Variants in WDR49 observed in about 807,000 individuals in gnomAD.
WDR49 encodes cilia- and flagella-associated protein 337.
Under a neutral mutation model 119.5 loss-of-function variants are expected in WDR49, and 107 were observed. The observed-to-expected ratio is 0.90, with a 90% CI of 0.77 to 1.05. The LOEUF is 1.05. Ranked by LOEUF, WDR49 falls within the 50% of genes least tolerant of loss-of-function variation. The pLI, the probability that WDR49 is intolerant of heterozygous loss-of-function variation, is 0.00. For missense variants in WDR49, 1,240 were observed against 1,220.5 expected, an observed-to-expected ratio of 1.02 and a Z score of -0.24; for synonymous variants, 425 against 418.8, an observed-to-expected ratio of 1.01 and a Z score of -0.18.
chr3:167,592,912 C>T (rs1433979916), intron 7 of WDR49, among the ~76,000 whole-genome samples: 1 of 152,140 alleles, frequency 6.6e-6, no homozygotes, highest in Admixed American at 6.6e-5. Flanking sequence ...TCCTTCAGAA[C>T]TTTAAATATG....
At chr3:167,486,664 A>C (rs149553432) in intron 18 of WDR49, among the ~76,000 whole-genome samples, 5 of 152,142 alleles carry the variant, frequency 3.3e-5, no homozygotes, top group African/African-American at 1.2e-4. Context: ...TATGCATATA[A>C]TCCAACAAGA....
At chr3:167,554,894 G>T in intron 9 of WDR49, 96 bp from the exon 10 acceptor site, 1 of 878,886 alleles carries the variant, frequency 1.1e-6, no homozygotes, top group Non-Finnish European at 1.7e-6. Flanking sequence ...AATCATTAAA[G>T]AAAATCAACT....
intron 18 of WDR49, among the ~76,000 whole-genome samples, chr3:167,483,645 G>A: frequency 6.6e-6 from 1 of 152,046 alleles, no homozygotes; most frequent in East Asian, 1.9e-4. Context: ...GGCTATTTAA[G>A]ATAAAATAAA....
At chr3:167,562,133 A>G (rs1713301921) in intron 8 of WDR49, among the ~76,000 whole-genome samples, 1 of 152,156 alleles carries the variant, frequency 6.6e-6, no homozygotes, top group Non-Finnish European at 1.5e-5. Flanking sequence ...ATCAATTATC[A>G]TTGGGGGCCA....
intron 3 of WDR49, among the ~76,000 whole-genome samples, chr3:167,625,430 G>A (rs985248242): frequency 3.3e-5 from 5 of 152,036 alleles, no homozygotes; most frequent in African/African-American, 7.2e-5. Context: ...TTTATCTTTA[G>A]AGAATATTAG....
Position 167,554,712 on chromosome 3 carries a change from C to T in WDR49, c.1761G>A (p.Lys587=). The change falls in exon 10 of 19, where the codon AAG becomes AAA. Residue 587 remains lysine (K), a synonymous_variant. Transcript: ENST00000682715. ...AVDISQILIL[K]KKILVTGWER... The stretch of plus-strand genomic sequence containing the variant: ...CCCAGCCTGTAACCAGTATTTTCTT[C>T]TTAAGAATGAGGATTTGTGAAATAT... 2.5e-6 allele frequency: 4 copies of T among 1,613,332 alleles called. No individual in the cohort carries two copies. The highest frequency in any genetic ancestry group is 3.4e-6 in the Non-Finnish European group (4 of 1,179,614).
In WDR49 at chr3:167,505,321, A is replaced by G; in HGVS notation, c.2870T>C (p.Ile957Thr). 1.3e-6 allele frequency: 2 copies of G among 1,516,442 alleles called. No homozygotes were observed. Among genetic ancestry groups the G allele is most frequent in the Non-Finnish European group, 8.8e-7 (1 of 1,140,720 alleles). 93.9% of individuals were successfully genotyped at this position (1,516,442 alleles called of 1,614,324 possible). The stretch of plus-strand genomic sequence containing the variant: ...TGACTACTTACTGAATGATTTTTTT[A>G]TAACTTCACCATAATAAGGTTTTTG... ...ETQKPYYGEV[I>T]KKSFSTFRSL... The change falls in exon 17 of 19, where the codon ATA (isoleucine) becomes ACA (threonine). Residue 957 changes from isoleucine to threonine, a missense_variant. Coordinates refer to ENST00000682715, the MANE Select transcript of WDR49 (RefSeq NM_001366157.1).
In WDR49 at chr3:167,625,943, G is replaced by A. The variant is rs573908444; in HGVS notation, c.606+909C>T. On this transcript the variant is annotated intron_variant, in intron 3 of 18. Transcript: ENST00000682715. The stretch of plus-strand genomic sequence containing the variant: ...ATTTGCAAAAAAAAAAAAAAAATTA[G>A]GAACAAAGAAAAGCATGTATATCAA... Among the ~76,000 whole-genome samples, 18 of 149,538 alleles carry A rather than the reference G, an allele frequency of 1.2e-4. No homozygotes were observed. In the South Asian group the frequency reaches 1.3e-3, roughly 11 times the overall value.
rs147042567 is a variant in WDR49 at position 167,560,112 on chromosome 3, A to C, written c.1626T>G (p.Asp542Glu). The change falls in exon 9 of 19, where the codon GAT becomes GAG. Residue 542 changes from aspartate (D) to glutamate (E), a missense_variant. Asp to Glu is a conservative substitution (Grantham distance 45, BLOSUM62 2). Transcript: ENST00000682715. ...CAGTCAAAAGCCGAGTCTCATTTGCATCAAGGGCCATAGTGCTGATTTCTG... is the reference window on the plus strand; with the variant it reads ...CAGTCAAAAGCCGAGTCTCATTTGCCTCAAGGGCCATAGTGCTGATTTCTG... Reference protein sequence around the residue: ...GNAEISTMALDANETRLLTGS... With the variant: ...GNAEISTMALEANETRLLTGS... 4 of 1,614,212 alleles carry C rather than the reference A, an allele frequency of 2.5e-6. No individual in the cohort carries two copies. The South Asian group carries it at 4.4e-5, about 18-fold the overall frequency.
At chr3:167,631,689 T>C (rs1717381827) in intron 2 of WDR49, among the ~76,000 whole-genome samples, 2 of 152,116 alleles carry the variant, frequency 1.3e-5, no homozygotes, top group Non-Finnish European at 2.9e-5. Context: ...AGAGTCAGCA[T>C]ATTGTGGAGC....
chr3:167,565,354 C>T (rs1416157184), intron 8 of WDR49, among the ~76,000 whole-genome samples: 1 of 116,784 alleles, frequency 8.6e-6, no homozygotes, highest in South Asian at 2.6e-4. Context: ...GCAACAAGAT[C>T]AGAAAAAAAA....
intron 7 of WDR49, among the ~76,000 whole-genome samples, chr3:167,601,632 T>C (rs1715776670): frequency 6.6e-6 from 1 of 152,134 alleles, no homozygotes; most frequent in Non-Finnish European, 1.5e-5. Context: ...ATATTTAAAA[T>C]ATCCCATCAA....
chr3:167,638,114 A>G (rs1238146463), intron 2 of WDR49, among the ~76,000 whole-genome samples: 1 of 151,582 alleles, frequency 6.6e-6, no homozygotes, highest in Non-Finnish European at 1.5e-5. Flanking sequence ...GTTTTTCCTA[A>G]TTTTAAATGG....
intron 3 of WDR49, among the ~76,000 whole-genome samples, chr3:167,626,252 A>T (rs1717123098): frequency 6.6e-6 from 1 of 152,014 alleles, no homozygotes; most frequent in South Asian, 2.1e-4. Flanking sequence ...AAATGATTGA[A>T]TACTAGGTAC....
intron 10 of WDR49, among the ~76,000 whole-genome samples, chr3:167,547,475 T>C (rs1443531695): frequency 6.6e-6 from 1 of 151,684 alleles, no homozygotes; most frequent in Non-Finnish European, 1.5e-5. Context: ...ATGTTTAATA[T>C]TGAAAGATAG....
intron 8 of WDR49, chr3:167,575,331 C>G (rs578187862): frequency 2.0e-6 from 2 of 981,690 alleles, no homozygotes; most frequent in Admixed American, 1.2e-4. Flanking sequence ...AGCCCTGCTT[C>G]TTCATTGAGA....
chr3:167,654,643 C>T (rs1352462575), upstream of WDR49, among the ~76,000 whole-genome samples: 1 of 152,166 alleles, frequency 6.6e-6, no homozygotes, highest in Non-Finnish European at 1.5e-5. Context: ...CGCCTGTAAT[C>T]CCTGCACTTT....
At chr3:167,557,152 A>C (rs1458772134) in intron 9 of WDR49, among the ~76,000 whole-genome samples, 1 of 152,130 alleles carries the variant, frequency 6.6e-6, no homozygotes, top group East Asian at 1.9e-4. Flanking sequence ...AGACAGGATC[A>C]TCCCACTGCA....
intron 8 of WDR49, among the ~76,000 whole-genome samples, chr3:167,569,100 C>T (rs1027952521): frequency 6.6e-6 from 1 of 152,118 alleles, no homozygotes; most frequent in Non-Finnish European, 1.5e-5. Flanking sequence ...CACCACCACA[C>T]CTGGCTAATT....
Sources: gnomAD v4.1 joint callset for allele counts (sites outside exome capture counted in the v4.1 genomes callset) on GRCh38, gnomAD v4.1.1 for gene constraint, MANE v1.5 for transcripts, NCBI Gene and HGNC (gene_info 2026-07-23, HGNC 2026-07-21) for gene names.